PLEKHA5: variants seen among roughly 807,000 people sequenced by gnomAD.
PLEKHA5 encodes the protein pleckstrin homology domain containing A5, also known as pleckstrin homology domain-containing family A member 5.
Under a neutral mutation model 181.9 loss-of-function variants are expected in PLEKHA5, and 55 were observed. That is an observed-to-expected ratio of 0.30 (90% confidence interval 0.24 to 0.38). The LOEUF (loss-of-function observed/expected upper bound fraction) is 0.38, where lower values mean the gene tolerates loss of function less well. PLEKHA5 is among the 10% of genes least tolerant of loss of function. The probability of loss-of-function intolerance (pLI) is 1.00; values close to 1 mark genes in which losing one functional copy is unlikely to be tolerated. For synonymous variants in PLEKHA5, 535 were observed against 529.4 expected, an observed-to-expected ratio of 1.01 and a Z score of -0.15; for missense variants, 1,432 against 1,549.5, an observed-to-expected ratio of 0.92 and a Z score of 1.27.
chr12:19,167,915 CT>C (rs2044903337), intron 3 of PLEKHA5, among the ~76,000 whole-genome samples: 1 of 152,036 alleles, frequency 6.6e-6, no homozygotes, highest in African/African-American at 2.4e-5. Context: ...TAAGTCACCC[CT>C]GGTAGTATGT....
At position 19,253,324 on chromosome 12, in the gene PLEKHA5, C is replaced by G. The variant is rs1178383084; in HGVS notation, c.228-616C>G. On this transcript the variant is annotated intron_variant, in intron 3 of 31. Transcript: ENST00000429027. Reference sequence around the variant, plus strand: ...GCCTGACCTCAAGTGATCCACCTTCCTTGGCGCTCCAAAATGCTGGGATTA... The same window carrying G: ...GCCTGACCTCAAGTGATCCACCTTCGTTGGCGCTCCAAAATGCTGGGATTA... Among the ~76,000 whole-genome samples the G allele has an allele frequency of 5.3e-5, 8 of 151,382 alleles. No individual in the cohort carries two copies. In the East Asian group the frequency reaches 6.0e-4, roughly 11 times the overall value.
At chr12:19,267,987 A>G (rs926414256) in intron 8 of PLEKHA5, among the ~76,000 whole-genome samples, 2 of 152,086 alleles carry the variant, frequency 1.3e-5, no homozygotes, top group Admixed American at 6.6e-5. Context: ...TACATGAGCT[A>G]TGGAGAAAAA....
intron 25 of PLEKHA5, among the ~76,000 whole-genome samples, chr12:19,353,352 T>A (rs1246693817): frequency 6.6e-6 from 1 of 151,982 alleles, no homozygotes. Flanking sequence ...AGATAGGGTT[T>A]CACCATGTTG....
At chr12:19,226,446 G>T (rs932311039) in intron 3 of PLEKHA5, among the ~76,000 whole-genome samples, 1 of 152,052 alleles carries the variant, frequency 6.6e-6, no homozygotes, top group Non-Finnish European at 1.5e-5. Context: ...AATTATTTGG[G>T]TATATATACC....
Position 19,320,002 on chromosome 12 carries a change from T to G in PLEKHA5, c.2119-19T>G. On this transcript the variant is annotated intron_variant, in intron 16 of 31. Transcript: ENST00000429027. ...CCTCTTTTCAATTAAACCCATCCTT[T>G]TCCTTCATTATCTTTTAGTTCTTAA... 7.4e-7 allele frequency: 1 copy of G among 1,355,314 alleles called. No homozygotes were observed. Among genetic ancestry groups the G allele is most frequent in the Non-Finnish European group, 1.0e-6 (1 of 995,524 alleles). 84.0% of individuals were successfully genotyped at this position (1,355,314 alleles called of 1,614,324 possible).
chr12:19,316,753 G>A (rs1440935722), intron 16 of PLEKHA5, among the ~76,000 whole-genome samples: 4 of 152,062 alleles, frequency 2.6e-5, no homozygotes, highest in Admixed American at 6.5e-5. Context: ...GTGACAGCCC[G>A]ACACATTTTT....
chr12:19,348,359 T>C (rs754955089), intron 24 of PLEKHA5, 40 bp from the exon 25 acceptor site: 22 of 1,501,980 alleles, frequency 1.5e-5, no homozygotes, highest in Non-Finnish European at 2.0e-5. Context: ...AAAGAAACTT[T>C]TAGCAGTTTT....
Position 19,130,683 on chromosome 12 carries a change from A to AAGGAGG in PLEKHA5, c.169+568_169+573dup, listed in dbSNP as rs774581464. 3 of 152,218 alleles carry AAGGAGG rather than the reference A, an allele frequency of 2.0e-5. No homozygotes were observed. The highest frequency in any genetic ancestry group is 1.9e-4 in the East Asian group (1 of 5,158). The allele number at this position is 152,218 out of a possible 1,614,324, so 9.4% of individuals were successfully genotyped here. On this transcript the variant is annotated intron_variant, in intron 2 of 31. Coordinates refer to ENST00000429027, the MANE Select transcript of PLEKHA5 (RefSeq NM_001256470.2). The surrounding 1 kb of genome is among the most constrained non-coding windows in gnomAD (Gnocchi z 4.5). The stretch of plus-strand genomic sequence containing the variant: ...GGGACTTGTGGGTAGGTGGCTGATG[A>AAGGAGG]AGGAGGAGGAGGAGGAGGAGAGGAG...
intron 30 of PLEKHA5, among the ~76,000 whole-genome samples, chr12:19,369,069 C>G (rs1317529589): frequency 2.0e-5 from 3 of 151,944 alleles, no homozygotes; most frequent in Non-Finnish European, 4.4e-5. Flanking sequence ...AAGTCTTGCT[C>G]TCTTGCCCAG....
At chr12:19,349,434 G>A (rs923079542) in intron 25 of PLEKHA5, among the ~76,000 whole-genome samples, 10 of 152,048 alleles carry the variant, frequency 6.6e-5, no homozygotes, top group African/African-American at 2.4e-4. Flanking sequence ...TTCTGTGTGT[G>A]TGTTTAAAAT....
chr12:19,209,884 T>G (rs138404941), intron 3 of PLEKHA5, among the ~76,000 whole-genome samples: 3 of 152,296 alleles, frequency 2.0e-5, no homozygotes, highest in African/African-American at 7.2e-5. Flanking sequence ...GTCTGGGAAG[T>G]CATCTTCACA....
At chr12:19,322,439 T>G in intron 19 of PLEKHA5, 49 bp downstream of exon 19, 1 of 1,552,138 alleles carries the variant, frequency 6.4e-7, no homozygotes, top group Non-Finnish European at 8.9e-7. Flanking sequence ...TTAATATGAT[T>G]ATTATCAGGA....
chr12:19,327,098 A>G (rs1301060858), intron 20 of PLEKHA5, among the ~76,000 whole-genome samples: 1 of 152,186 alleles, frequency 6.6e-6, no homozygotes, highest in Non-Finnish European at 1.5e-5. Context: ...ATACCCAGTC[A>G]ATGCAATTGC....
At chr12:19,150,030 G>C (rs531258284) in intron 3 of PLEKHA5, 6 of 152,116 alleles carry the variant, frequency 3.9e-5, no homozygotes, top group African/African-American at 1.4e-4. Flanking sequence ...ATCCATGTAA[G>C]GTACATGCTG....
In PLEKHA5 at chr12:19,269,621, AT is replaced by A. The variant is rs530259976; in HGVS notation, c.712-147del. On this transcript the variant is annotated intron_variant, in intron 8 of 31. Transcript: ENST00000429027. ...AAGTTAATAGTTATATTTTTTCTTGATTCATTTCCATATCTCAGGTAAAAGA... is the reference window on the plus strand; with the variant it reads ...AAGTTAATAGTTATATTTTTTCTTGATCATTTCCATATCTCAGGTAAAAGA... 203 of 491,048 alleles carry A rather than the reference AT, an allele frequency of 4.1e-4. 1 individual carries two copies. In the East Asian group the frequency reaches 6.3e-3, roughly 15 times the overall value. 30.4% of individuals were successfully genotyped at this position (491,048 alleles called of 1,614,324 possible).
chr12:19,171,295 G>C (rs2045834914), intron 3 of PLEKHA5, among the ~76,000 whole-genome samples: 1 of 152,102 alleles, frequency 6.6e-6, no homozygotes, highest in African/African-American at 2.4e-5. Flanking sequence ...GGAAGATGAA[G>C]ATAATCAGTT....
intron 3 of PLEKHA5, among the ~76,000 whole-genome samples, chr12:19,251,962 C>T (rs966312684): frequency 3.9e-5 from 6 of 152,076 alleles, no homozygotes; most frequent in African/African-American, 1.2e-4. Flanking sequence ...CCAGCTACCT[C>T]CCAGGGTGTC....
rs1199996835 is a variant in PLEKHA5, at chr12:19,290,694, G to A, written c.1881G>A (p.Leu627=). The A allele has an allele frequency of 5.2e-6, 8 of 1,534,552 alleles. No individual in the cohort carries two copies. The highest frequency in any genetic ancestry group is 5.2e-6 in the Non-Finnish European group (6 of 1,145,800). ...TCCTTCAGCCAGAGGAGCTTACGCT[G>A]CTGCTAATAAAGCTGAGACGGCAGC... is the stretch of plus-strand genomic sequence containing the variant. ...LQGKTPEELT[L]LLIKLRRQQA... Residue 627 remains leucine (L), a synonymous_variant, in exon 14 of 32, where the codon CTG becomes CTA. Transcript: ENST00000429027.
intron 13 of PLEKHA5, among the ~76,000 whole-genome samples, chr12:19,288,682 C>A (rs2077753949): frequency 2.0e-5 from 3 of 152,016 alleles, no homozygotes; most frequent in Admixed American, 2.0e-4. Flanking sequence ...AGTTTATTTG[C>A]CAAAGATTAT....
Sources: allele counts gnomAD v4.1 joint callset (sites outside exome capture counted in the v4.1 genomes callset), GRCh38; gene constraint gnomAD v4.1.1; non-coding constraint Gnocchi (gnomAD v3.1); transcripts MANE v1.5; gene names NCBI Gene and HGNC (gene_info 2026-07-23, HGNC 2026-07-21).